The following DOP1A variants were observed in gnomAD, a reference collection of about 807,000 sequenced individuals.
DOP1A encodes the protein protein DOP1A.
DOP1A carries 90 observed loss-of-function variants against 267.6 expected under a neutral mutation model. That is an observed-to-expected ratio of 0.34 (90% CI 0.28 to 0.40). The LOEUF is 0.40. DOP1A is among the 10% of genes least tolerant of loss of function. The probability of loss-of-function intolerance (pLI) is 1.00; values close to 1 mark genes in which losing one functional copy is unlikely to be tolerated. For synonymous variants in DOP1A, 932 were observed against 999.1 expected (o/e 0.93, Z 1.27); for missense variants, 2,437 against 2,900.4 (o/e 0.84, Z 3.67).
intron 3 of DOP1A, among the ~76,000 whole-genome samples, chr6:83,099,063 G>A (rs1032578774): frequency 1.3e-5 from 2 of 151,900 alleles, no homozygotes; most frequent in Non-Finnish European, 2.9e-5. Flanking sequence ...ATGAGAAGAG[G>A]GCAGGAAAAG....
At chr6:83,067,818 G>A (rs1784919375) in intron 1 of DOP1A, 39 bp downstream of exon 1, 1 of 152,322 alleles carries the variant, frequency 6.6e-6, no homozygotes, top group Non-Finnish European at 1.5e-5. Context: ...CGCTAGGCTG[G>A]TAGCCGGCTC....
chr6:83,084,050 G>C (rs1271095634), intron 1 of DOP1A, among the ~76,000 whole-genome samples: 1 of 152,190 alleles, frequency 6.6e-6, no homozygotes, highest in Admixed American at 6.5e-5. Context: ...CACCTTGGCA[G>C]ATCTATGGGC....
chr6:83,138,136 TC>T lies in DOP1A; in HGVS notation c.4095del (p.Tyr1366IlefsTer27). The T allele has an allele frequency of 6.2e-7, 1 of 1,613,972 alleles. No homozygotes were observed. On this transcript the variant is annotated frameshift_variant, in exon 21 of 39. Transcript: ENST00000349129. LOFTEE classifies it high-confidence loss of function. ...RKSPNFNIHPLYQHVLLYLQL... is the reference protein window; with the variant it reads ...RKSPNFNIHPXYQHVLLYLQL... The stretch of plus-strand genomic sequence containing the variant: ...TCTCCCAATTTCAACATTCATCCTC[TC>T]TATCAACATGTGCTCCTGTATCTCC...
chr6:83,111,567 C>G (rs1420540044), intron 6 of DOP1A, among the ~76,000 whole-genome samples: 1 of 151,846 alleles, frequency 6.6e-6, no homozygotes, highest in South Asian at 2.1e-4. Context: ...TATAGTCCTC[C>G]CAGTGGGTAT....
intron 5 of DOP1A, among the ~76,000 whole-genome samples, chr6:83,109,501 A>G (rs1227366442): frequency 2.0e-5 from 3 of 152,240 alleles, no homozygotes; most frequent in Non-Finnish European, 2.9e-5. Flanking sequence ...AAAATAATAT[A>G]ACAGGACATT....
chr6:83,170,160 T>C (rs1410255823), downstream of DOP1A: 2 of 673,884 alleles, frequency 3.0e-6, no homozygotes, highest in South Asian at 2.2e-5. Context: ...CTGGTGAAAA[T>C]AATTTTGTAG....
chr6:83,131,109 T>A (rs1777948215), intron 17 of DOP1A, among the ~76,000 whole-genome samples: 1 of 152,208 alleles, frequency 6.6e-6, no homozygotes, highest in Non-Finnish European at 1.5e-5. Flanking sequence ...TGTCTCATTA[T>A]CATCTGTGGC....
At chr6:83,083,931 A>G (rs1271203108) in intron 1 of DOP1A, among the ~76,000 whole-genome samples, 1 of 152,208 alleles carries the variant, frequency 6.6e-6, no homozygotes, top group African/African-American at 2.4e-5. Context: ...TTGAAATGAG[A>G]AAGAATCTGA....
At chr6:83,068,899 G>A (rs1002726668) in intron 1 of DOP1A, among the ~76,000 whole-genome samples, 2 of 152,188 alleles carry the variant, frequency 1.3e-5, no homozygotes, top group African/African-American at 4.8e-5. Context: ...CTCTGTAATT[G>A]TTAAGCAGTA....
intron 23 of DOP1A, among the ~76,000 whole-genome samples, chr6:83,141,415 A>G (rs1008769969): frequency 1.3e-5 from 2 of 152,184 alleles, no homozygotes; most frequent in Non-Finnish European, 2.9e-5. Flanking sequence ...ATCCTTCAAT[A>G]ACCTAATTTT....
At chr6:83,072,344 G>GT (rs952421992) in intron 1 of DOP1A, among the ~76,000 whole-genome samples, 3 of 152,056 alleles carry the variant, frequency 2.0e-5, no homozygotes, top group Non-Finnish European at 4.4e-5. Context: ...GTGGTGATAA[G>GT]TTTATCAGTA....
chr6:83,153,364 A>G (rs1303190621), intron 30 of DOP1A, 147 bp from the exon 31 acceptor site: 4 of 497,406 alleles, frequency 8.0e-6, no homozygotes, highest in African/African-American at 6.1e-5. Context: ...GGCAAAACTC[A>G]TTAACATAAA....
At chr6:83,151,526 A>T in intron 27 of DOP1A, 67 bp from the exon 28 acceptor site, 1 of 1,310,558 alleles carries the variant, frequency 7.6e-7, no homozygotes, top group Non-Finnish European at 1.1e-6. Context: ...CATCGTGAGA[A>T]ATTAGATCGC....
chr6:83,153,281 T>C (rs1782097732), intron 30 of DOP1A: 1 of 309,622 alleles, frequency 3.2e-6, no homozygotes. Flanking sequence ...TGTACTTCCC[T>C]ATCTCAGTTG....
chr6:83,069,717 G>A (rs891022402), intron 1 of DOP1A, among the ~76,000 whole-genome samples: 13 of 152,046 alleles, frequency 8.6e-5, no homozygotes, highest in African/African-American at 3.1e-4. Flanking sequence ...ATTCTTTCTG[G>A]TTTTTTGACT....
Position 83,142,021 on chromosome 6 carries a change from A to C in DOP1A, c.5516A>C (p.Gln1839Pro). The change falls in exon 24 of 39, where the codon CAG becomes CCG. Residue 1839 changes from glutamine to proline, a missense_variant. Gln to Pro is a moderately conservative substitution (Grantham distance 76). Transcript: ENST00000349129. ...AIAFVWNERRQNKTTTRTKVI... is the reference protein window; with the variant it reads ...AIAFVWNERRPNKTTTRTKVI... ...GCATTTGTGTGGAATGAAAGAAGAC[A>C]GAATAAAACAACCACCAGGACCAAG... The C allele has an allele frequency of 6.2e-7, 1 of 1,611,962 alleles. No homozygotes were observed. The highest frequency in any genetic ancestry group is 8.5e-7 in the Non-Finnish European group (1 of 1,179,486).
intron 3 of DOP1A, among the ~76,000 whole-genome samples, chr6:83,100,280 A>T (rs1772328338): frequency 6.6e-6 from 1 of 152,180 alleles, no homozygotes; most frequent in Non-Finnish European, 1.5e-5. Context: ...TACCTCTTCC[A>T]AGTACTGTAA....
In DOP1A at chr6:83,162,890, C is replaced by G; in HGVS notation, c.7063C>G (p.Leu2355Val). Residue 2355 changes from leucine to valine, a missense_variant, in exon 38 of 39, where the codon CTA becomes GTA. Transcript: ENST00000349129. ...QREFKPYVVRLAKLLRKRAKK... is the reference protein window; with the variant it reads ...QREFKPYVVRVAKLLRKRAKK... ...AGAATTTAAACCTTACGTGGTACGA[C>G]TAGCAAAACTTCTTCGGAAAAGAGC... 1 of 1,612,902 alleles carries G rather than the reference C, an allele frequency of 6.2e-7. No homozygotes were observed. The highest frequency in any genetic ancestry group is 8.5e-7 in the Non-Finnish European group (1 of 1,179,278).
intron 1 of DOP1A, among the ~76,000 whole-genome samples, chr6:83,085,610 T>C (rs1313973303): frequency 6.6e-6 from 1 of 152,006 alleles, no homozygotes; most frequent in Non-Finnish European, 1.5e-5. Flanking sequence ...TGTATTTGAG[T>C]TTGGATATTA....
Sources: gnomAD v4.1 joint callset for allele counts (sites outside exome capture counted in the v4.1 genomes callset) on GRCh38, gnomAD v4.1.1 for gene constraint, MANE v1.5 for transcripts, NCBI Gene and HGNC (gene_info 2026-07-23, HGNC 2026-07-21) for gene names.